The following LHFPL3 variants were observed in gnomAD, a reference collection of about 807,000 sequenced individuals.
LHFPL3 encodes the protein LHFPL tetraspan subfamily member 3, also known as LHFPL tetraspan subfamily member 3 protein.
Under a neutral mutation model 19.3 loss-of-function variants are expected in LHFPL3, and 5 were observed. That is an observed-to-expected ratio of 0.26 (90% CI 0.14 to 0.54). The LOEUF (loss-of-function observed/expected upper bound fraction) is 0.54, where lower values mean the gene tolerates loss of function less well. Ranked by LOEUF, LHFPL3 falls within the 20% of genes least tolerant of loss-of-function variation. The pLI, the probability that LHFPL3 is intolerant of heterozygous loss-of-function variation, is 0.94. For synonymous variants in LHFPL3, 133 were observed against 126.2 expected (o/e 1.05, Z -0.36); for missense variants, 249 against 307.4 (o/e 0.81, Z 1.42).
intron 2 of LHFPL3, among the ~76,000 whole-genome samples, chr7:104,795,135 G>T (rs1790096355): frequency 6.6e-6 from 1 of 152,150 alleles, no homozygotes; most frequent in Non-Finnish European, 1.5e-5. Context: ...GGAAAGATGG[G>T]CCAGACATGC....
At chr7:104,543,508 C>T (rs1381915914) in intron 1 of LHFPL3, among the ~76,000 whole-genome samples, 1 of 151,824 alleles carries the variant, frequency 6.6e-6, no homozygotes, top group Non-Finnish European at 1.5e-5. Context: ...AGACTTGGAA[C>T]CAACCCAAAT....
chr7:104,564,159 C>G (rs988560626), intron 1 of LHFPL3, among the ~76,000 whole-genome samples: 4 of 152,188 alleles, frequency 2.6e-5, no homozygotes, highest in Non-Finnish European at 4.4e-5. Context: ...ACACACCTGA[C>G]AGAATCAGGA....
chr7:104,829,392 C>A (rs1358407971), intron 2 of LHFPL3, among the ~76,000 whole-genome samples: 3 of 151,554 alleles, frequency 2.0e-5, no homozygotes, highest in Non-Finnish European at 2.9e-5. Context: ...AAATTACTTA[C>A]ATATGTATAC....
intron 1 of LHFPL3, among the ~76,000 whole-genome samples, chr7:104,477,019 C>T (rs1347588922): frequency 2.0e-5 from 3 of 152,028 alleles, no homozygotes; most frequent in Admixed American, 6.5e-5. Context: ...AATACAAAGT[C>T]TTGCTCTCTT....
At chr7:104,559,759 A>G (rs1353601770) in intron 1 of LHFPL3, among the ~76,000 whole-genome samples, 1 of 151,762 alleles carries the variant, frequency 6.6e-6, no homozygotes, top group African/African-American at 2.4e-5. Flanking sequence ...GTCTTGTGCC[A>G]GTTTTCAGAG....
intron 2 of LHFPL3, among the ~76,000 whole-genome samples, chr7:104,899,283 A>C (rs1228578817): frequency 2.0e-5 from 3 of 152,164 alleles, no homozygotes; most frequent in Non-Finnish European, 4.4e-5. Flanking sequence ...TCTTCTCTAG[A>C]GTTACCCAGC....
intron 1 of LHFPL3, among the ~76,000 whole-genome samples, chr7:104,665,915 C>G (rs1048381222): frequency 1.2e-4 from 19 of 152,142 alleles, no homozygotes; most frequent in Admixed American, 9.2e-4. Flanking sequence ...CTGTCTCTTA[C>G]TACGCAGTGT....
intron 2 of LHFPL3, among the ~76,000 whole-genome samples, chr7:104,769,802 A>G (rs1794521416): frequency 6.6e-6 from 1 of 152,174 alleles, no homozygotes; most frequent in South Asian, 2.1e-4. Context: ...TCAATAATAG[A>G]CTGGATAAAG....
chr7:104,408,484 C>T (rs1791464117), intron 1 of LHFPL3, among the ~76,000 whole-genome samples: 1 of 151,982 alleles, frequency 6.6e-6, no homozygotes, highest in Admixed American at 6.6e-5. Flanking sequence ...TTCTACAATC[C>T]CCAAATATTG....
chr7:104,602,020 CTT>C (rs57501560), intron 1 of LHFPL3, among the ~76,000 whole-genome samples: 4 of 91,462 alleles, frequency 4.4e-5, no homozygotes, highest in East Asian at 3.6e-4. Context: ...TTTTTCTTTT[CTT>C]TTTTTTTTTT....
At chr7:104,561,015 G>C (rs1210030663) in intron 1 of LHFPL3, among the ~76,000 whole-genome samples, 2 of 151,216 alleles carry the variant, frequency 1.3e-5, no homozygotes, top group African/African-American at 4.9e-5. Context: ...TTAACCCTGA[G>C]TTCTAGTTTG....
chr7:104,583,608 T>C (rs1584417282), intron 1 of LHFPL3, among the ~76,000 whole-genome samples: 1 of 151,910 alleles, frequency 6.6e-6, no homozygotes, highest in Non-Finnish European at 1.5e-5. Context: ...CCAAACAAAT[T>C]TACAAGAAAA....
In LHFPL3 at chr7:104,615,720, C is replaced by T. The variant is rs532771701; in HGVS notation, c.446-120955C>T. On this transcript the variant is annotated intron_variant, in intron 1 of 2. Coordinates refer to ENST00000424859, the MANE Select transcript of LHFPL3 (RefSeq NM_199000.3). ...GCCCCAGTGTGTAATGTTCCCCTCC[C>T]GGTGTCCATGTGTTCTCTTTGTTCA... 4.1e-4 allele frequency among the ~76,000 whole-genome samples: 62 copies of T among 151,646 alleles called. No homozygotes were observed. The South Asian group carries it at 6.9e-3, about 17-fold the overall frequency.
intron 2 of LHFPL3, among the ~76,000 whole-genome samples, chr7:104,747,062 G>A (rs1221677245): frequency 6.6e-6 from 1 of 152,098 alleles, no homozygotes; most frequent in East Asian, 1.9e-4. Flanking sequence ...GTTGGTTTCG[G>A]TTTTTGTTTT....
rs189591271 is a variant in LHFPL3 at position 104,494,240 on chromosome 7, C to T, written c.445+165016C>T. Reference sequence around the variant, plus strand: ...TACAAAATAATATGTGTAATATCTGCGTACTTCAGTATCAAATGCAAATCT... The same window carrying T: ...TACAAAATAATATGTGTAATATCTGTGTACTTCAGTATCAAATGCAAATCT... On this transcript the variant is annotated intron_variant, in intron 1 of 2. Transcript: ENST00000424859. Among the ~76,000 whole-genome samples the T allele has an allele frequency of 8.2e-3, 1,250 of 152,218 alleles. 13 individuals carry two copies. Among genetic ancestry groups the T allele is most frequent in the South Asian group, 0.019 (94 of 4,830 alleles).
chr7:104,460,000 CCTT>C (rs1792626432), intron 1 of LHFPL3, among the ~76,000 whole-genome samples: 1 of 152,110 alleles, frequency 6.6e-6, no homozygotes, highest in African/African-American at 2.4e-5. Flanking sequence ...CTGATCCTCT[CCTT>C]CTTCTTACCC....
At chr7:104,848,349 C>T (rs1391317625) in intron 2 of LHFPL3, among the ~76,000 whole-genome samples, 1 of 152,114 alleles carries the variant, frequency 6.6e-6, no homozygotes. Flanking sequence ...CCTGTGACAA[C>T]GGTAGCACTG....
chr7:104,789,151 C>T (rs769009745), intron 2 of LHFPL3, among the ~76,000 whole-genome samples: 1 of 152,208 alleles, frequency 6.6e-6, no homozygotes, highest in Non-Finnish European at 1.5e-5. Flanking sequence ...GTGGAATTCA[C>T]AGCTCCTCAC....
chr7:104,847,050 GGAA>G (rs1791326318), intron 2 of LHFPL3, among the ~76,000 whole-genome samples: 1 of 152,240 alleles, frequency 6.6e-6, no homozygotes, highest in Non-Finnish European at 1.5e-5. Context: ...AACAAGGGCA[GGAA>G]GAAGAAAGTG....
Sources: gnomAD v4.1 joint callset for allele counts (sites outside exome capture counted in the v4.1 genomes callset) on GRCh38, gnomAD v4.1.1 for gene constraint, MANE v1.5 for transcripts, NCBI Gene and HGNC (gene_info 2026-07-23, HGNC 2026-07-21) for gene names.